The following ULBP1 variants were observed in gnomAD, a reference collection of about 807,000 sequenced individuals.
The protein encoded by ULBP1 is UL16-binding protein 1.
Under a neutral mutation model 25.3 loss-of-function variants are expected in ULBP1, and 28 were observed. That is an observed-to-expected ratio of 1.10 (90% CI 0.82 to 1.51). The LOEUF is 1.51. Among genes scored for constraint, ULBP1 ranks in the 40% most tolerant of loss-of-function variants. The pLI, the probability that ULBP1 is intolerant of heterozygous loss-of-function variation, is 0.00. For synonymous variants in ULBP1, 129 were observed against 103.0 expected (o/e 1.25, Z -1.53); for missense variants, 348 against 290.9 (o/e 1.20, Z -1.43).
intron 4 of ULBP1, among the ~76,000 whole-genome samples, chr6:149,970,696 C>A (rs547668667): frequency 2.0e-5 from 3 of 152,240 alleles, no homozygotes; most frequent in Admixed American, 2.0e-4. Flanking sequence ...AAGAGTAGAG[C>A]GTGTCCAGGG....
At position 149,964,030 on chromosome 6, in the gene ULBP1, C is replaced by A. The variant is rs200647989; in HGVS notation, c.-20C>A. On this transcript the variant is annotated 5_prime_UTR_variant, in exon 1 of 5. Coordinates refer to ENST00000229708, the MANE Select transcript of ULBP1 (RefSeq NM_025218.4). Reference sequence around the variant, plus strand: ...AAGGGAACCATCAGCGCCTCCTGTCCACGGAGCTCCAGGTCTACAATGGCA... The same window carrying A: ...AAGGGAACCATCAGCGCCTCCTGTCAACGGAGCTCCAGGTCTACAATGGCA... 44 of 1,613,590 alleles carry A rather than the reference C, an allele frequency of 2.7e-5. No individual in the cohort carries two copies. Among genetic ancestry groups the A allele is most frequent in the Non-Finnish European group, 3.5e-5 (41 of 1,179,772 alleles).
intron 1 of ULBP1, among the ~76,000 whole-genome samples, chr6:149,965,551 G>A (rs1275296985): frequency 6.6e-6 from 1 of 152,258 alleles, no homozygotes; most frequent in Non-Finnish European, 1.5e-5. Flanking sequence ...CCAGATTCCC[G>A]AACCCTAGCT....
rs12527074 is a variant in ULBP1 at position 149,973,272 on chromosome 6, A to C, written c.*1926A>C. ...TCTTCCCATTGGAAAGTGGCAGCTA[A>C]ACATTAAATTCGCATGAACCACAGA... On this transcript the variant is annotated 3_prime_UTR_variant, in exon 5 of 5. Coordinates refer to ENST00000229708, the MANE Select transcript of ULBP1 (RefSeq NM_025218.4). The C allele has an allele frequency of 0.067, 10,248 of 152,240 alleles. 647 individuals carry two copies. The highest frequency in any genetic ancestry group is 0.35 in the East Asian group (1,783 of 5,162). 9.4% of individuals were successfully genotyped at this position (152,240 alleles called of 1,614,324 possible). A position where few individuals can be genotyped will look rare whatever the true frequency, so the allele number is the denominator to read the frequency against.
In ULBP1 at chr6:149,971,529, T is replaced by C; in HGVS notation, c.*183T>C. 3.5e-5 allele frequency: 13 copies of C among 372,170 alleles called. No homozygotes were observed. The highest frequency in any genetic ancestry group is 4.8e-5 in the Non-Finnish European group (13 of 271,552). 23.1% of individuals were successfully genotyped at this position (372,170 alleles called of 1,614,324 possible). A position where few individuals can be genotyped will look rare whatever the true frequency, so the allele number is the denominator to read the frequency against. ...AGCAGACGATGAGGACATTGTCGGC[T>C]CAACATCTCAGGCCACTCATTACCT... On this transcript the variant is annotated 3_prime_UTR_variant, in exon 5 of 5. Transcript: ENST00000229708.
rs1779335985 is a variant in ULBP1, at chr6:149,972,523, A to G, written c.*1177A>G. The G allele has an allele frequency of 6.6e-6, 1 of 152,220 alleles. No homozygotes were observed. The highest frequency in any genetic ancestry group is 1.5e-5 in the Non-Finnish European group (1 of 68,048). 9.4% of individuals were successfully genotyped at this position (152,220 alleles called of 1,614,324 possible). Reference sequence around the variant, plus strand: ...TTGACAAATGGGGCCTCATTAAACTAAAGAGCTTCTGCACAGAAAAAGAAA... The same window carrying G: ...TTGACAAATGGGGCCTCATTAAACTGAAGAGCTTCTGCACAGAAAAAGAAA... On this transcript the variant is annotated 3_prime_UTR_variant, in exon 5 of 5. Coordinates refer to ENST00000229708, the MANE Select transcript of ULBP1 (RefSeq NM_025218.4).
At position 149,968,814 on chromosome 6, in the gene ULBP1, T is replaced by G. The variant is rs759861569; in HGVS notation, c.293T>G (p.Val98Gly). Residue 98 changes from valine to glycine, a missense_variant, in exon 2 of 5, where the codon GTG (valine) becomes GGG (glycine). By Grantham distance (109) the Val-to-Gly change is moderately radical. Transcript: ENST00000229708. ...EEQTETLRDV[V>G]DFLKGQLLDI... is the part of the protein sequence containing the mutation. ...CAAACTGAAACACTAAGAGACGTGG[T>G]GGATTTCCTTAAAGGGCAACTGCTT... 11 of 1,614,000 alleles carry G rather than the reference T, an allele frequency of 6.8e-6. No individual in the cohort carries two copies. Among genetic ancestry groups the G allele is most frequent in the Middle Eastern group, 1.6e-4 (1 of 6,084 alleles).
chr6:149,965,097 G>A (rs938969858), intron 1 of ULBP1, among the ~76,000 whole-genome samples: 1 of 146,526 alleles, frequency 6.8e-6, no homozygotes, highest in African/African-American at 2.6e-5. Flanking sequence ...CGAATATCGC[G>A]GTCTACCCGA....
Position 149,969,423 on chromosome 6 carries a change from G to A in ULBP1, c.625+63G>A, listed in dbSNP as rs566919739. On this transcript the variant is annotated intron_variant, in intron 3 of 4. Transcript: ENST00000229708. ...TCAGATCTTATCAGCTGGTGTATGTGTGTGAGTGCGTGTGTGTGTGTGTTT... is the reference window on the plus strand; with the variant it reads ...TCAGATCTTATCAGCTGGTGTATGTATGTGAGTGCGTGTGTGTGTGTGTTT... 3.7e-5 allele frequency: 59 copies of A among 1,573,788 alleles called. 1 individual carries two copies. In the South Asian group the frequency reaches 5.0e-4, roughly 13 times the overall value.
chr6:149,965,967 T>C (rs1276701700), intron 1 of ULBP1, among the ~76,000 whole-genome samples: 2 of 151,692 alleles, frequency 1.3e-5, no homozygotes, highest in African/African-American at 2.4e-5. Flanking sequence ...CAAAACTTAA[T>C]GCAGGGGGGA....
chr6:149,968,446 T>C (rs188379506), intron 1 of ULBP1, among the ~76,000 whole-genome samples, 161 bp from the exon 2 acceptor site: 1 of 152,366 alleles, frequency 6.6e-6, no homozygotes, highest in Admixed American at 6.5e-5. Context: ...GGAGACGCTC[T>C]AGTCATTAAC....
Position 149,971,416 on chromosome 6 carries a change from C to T in ULBP1, c.*70C>T. 1.0e-6 allele frequency: 1 copy of T among 985,206 alleles called. No individual in the cohort carries two copies. The highest frequency in any genetic ancestry group is 1.2e-6 in the Non-Finnish European group (1 of 829,818). The allele number at this position is 985,206 out of a possible 1,614,324, so 61.0% of individuals were successfully genotyped here. A position where few individuals can be genotyped will look rare whatever the true frequency, so the allele number is the denominator to read the frequency against. On this transcript the variant is annotated 3_prime_UTR_variant, in exon 5 of 5. Coordinates refer to ENST00000229708, the MANE Select transcript of ULBP1 (RefSeq NM_025218.4). ...CTCTGTTAGCCTGGTCTGGGTCCTG[C>T]TCTCCCTTCAGGGAGGCCGCCTGTC...
At chr6:149,970,172 G>A (rs1453739950) in intron 4 of ULBP1, 25 bp downstream of exon 4, 2 of 1,558,302 alleles carry the variant, frequency 1.3e-6, no homozygotes, top group South Asian at 2.4e-5. Flanking sequence ...ATTGGGAGGG[G>A]AGCAAGAGGC....
In ULBP1 at chr6:149,970,767, C is replaced by A. The variant is rs115875355; in HGVS notation, c.*23-602C>A. On this transcript the variant is annotated intron_variant, in intron 4 of 4. Coordinates refer to ENST00000229708, the MANE Select transcript of ULBP1 (RefSeq NM_025218.4). Reference sequence around the variant, plus strand: ...TGGGAGTCCTTGCCAGGCCCTGGGGCGATGCCCCTGCCATTCTGCCTCCTT... The same window carrying A: ...TGGGAGTCCTTGCCAGGCCCTGGGGAGATGCCCCTGCCATTCTGCCTCCTT... 7.2e-3 allele frequency among the ~76,000 whole-genome samples: 1,096 copies of A among 152,322 alleles called. 16 individuals carry two copies. Among genetic ancestry groups the A allele is most frequent in the African/African-American group, 0.025 (1,036 of 41,564 alleles).
At position 149,969,200 on chromosome 6, in the gene ULBP1, C is replaced by T; in HGVS notation, c.465C>T (p.Asn155=). ...GQKFLLFDSN[N]RKWTALHPGA... ...AGTTCCTCCTCTTTGACTCAAACAA[C>T]AGAAAGTGGACAGCACTTCATCCTG... The change falls in exon 3 of 5, where the codon AAC becomes AAT. Residue 155 remains asparagine (N), a synonymous_variant. Coordinates refer to ENST00000229708, the MANE Select transcript of ULBP1 (RefSeq NM_025218.4). 1 of 1,614,208 alleles carries T rather than the reference C, an allele frequency of 6.2e-7. No individual in the cohort carries two copies. Among genetic ancestry groups the T allele is most frequent in the Non-Finnish European group, 8.5e-7 (1 of 1,180,046 alleles).
chr6:149,964,085 C>A lies in ULBP1; in HGVS notation c.36C>A (p.Cys12Ter), dbSNP rs1218653374. Reference protein sequence around the residue: ...AAAASPAFLLCLPLLHLLSGW... With the variant: ...AAAASPAFLL ...CCGCCAGCCCCGCGTTCCTTCTGTG[C>A]CTCCCGCTTCTGCACCTGCTGTCTG... is the stretch of plus-strand genomic sequence containing the variant. Residue 12 changes from cysteine (C) to a stop codon, truncating the protein, a stop_gained, in exon 1 of 5, where the codon TGC (cysteine) becomes TGA (stop). Transcript: ENST00000229708. LOFTEE classifies it high-confidence loss of function. 1.9e-6 allele frequency: 3 copies of A among 1,614,234 alleles called. No individual in the cohort carries two copies. The highest frequency in any genetic ancestry group is 2.5e-6 in the Non-Finnish European group (3 of 1,180,042).
intron 1 of ULBP1, among the ~76,000 whole-genome samples, chr6:149,964,381 T>C (rs1042657193): frequency 2.7e-5 from 4 of 149,182 alleles, no homozygotes; most frequent in African/African-American, 9.9e-5. Flanking sequence ...TCCCCAGACA[T>C]GCCCAGCTGA....
intron 1 of ULBP1, among the ~76,000 whole-genome samples, chr6:149,966,761 C>T (rs530247436): frequency 2.0e-5 from 3 of 152,258 alleles, no homozygotes; most frequent in South Asian, 2.1e-4. Context: ...GGAGGCCCAT[C>T]TCCACAGGGG....
In ULBP1 at chr6:149,969,352, A is replaced by C. The variant is rs1779267007; in HGVS notation, c.617A>C (p.Asp206Ala). The C allele has an allele frequency of 1.9e-6, 3 of 1,612,670 alleles. No homozygotes were observed. Among genetic ancestry groups the C allele is most frequent in the Non-Finnish European group, 1.7e-6 (2 of 1,178,826 alleles). Reference protein sequence around the residue: ...EFLMYWEQMLDPTKPPSLAPG... With the variant: ...EFLMYWEQMLAPTKPPSLAPG... The stretch of plus-strand genomic sequence containing the variant: ...TTGATGTACTGGGAACAAATGCTGG[A>C]TCCAACAAGTAAGTGAGAGGGGGAT... The change falls in exon 3 of 5, where the codon GAT (aspartate) becomes GCT (alanine). Residue 206 changes from aspartate (D) to alanine (A), a missense_variant. Transcript: ENST00000229708.
intron 3 of ULBP1, 148 bp downstream of exon 3, chr6:149,969,508 G>A (rs1353269074): frequency 4.8e-5 from 52 of 1,092,782 alleles, no homozygotes; most frequent in Middle Eastern, 4.2e-4. Context: ...TGGCATGCCT[G>A]TGCTCTCTCA....
Sources: allele counts gnomAD v4.1 joint callset (sites outside exome capture counted in the v4.1 genomes callset), GRCh38; gene constraint gnomAD v4.1.1; transcripts MANE v1.5; gene names NCBI Gene and HGNC (gene_info 2026-07-23, HGNC 2026-07-21).